Variants in CCKBR observed in about 807,000 individuals in gnomAD.
CCKBR encodes the protein gastrin/cholecystokinin type B receptor.
In CCKBR, 33 loss-of-function variants were observed where a neutral mutation model predicts 34.6. The observed-to-expected ratio is 0.95, with a 90% CI of 0.72 to 1.27. The LOEUF (loss-of-function observed/expected upper bound fraction) is 1.27, where lower values mean the gene tolerates loss of function less well. CCKBR is among the 50% of genes most tolerant of loss of function. CCKBR has a pLI of 0.00. For missense variants in CCKBR, 652 were observed against 617.4 expected (o/e 1.06, Z -0.59); for synonymous variants, 269 against 267.5 (o/e 1.01, Z -0.06).
chr11:6,270,398 C>G, intron 3 of CCKBR, 61 bp downstream of exon 3: 1 of 1,551,706 alleles, frequency 6.4e-7, no homozygotes, highest in South Asian at 1.2e-5. Context: ...ATGCTTACGA[C>G]CATTGCCCAG....
Position 6,269,747 on chromosome 11 carries a change from T to C in CCKBR, c.230T>C (p.Val77Ala), listed in dbSNP as rs35816985. ...GTTGGAGGAAATATGCTCATCATCGTGGTCCTGGGACTGAGCCGCCGCCTG... is the reference window on the plus strand; with the variant it reads ...GTTGGAGGAAATATGCTCATCATCGCGGTCCTGGGACTGAGCCGCCGCCTG... ...MSVGGNMLII[V>A]VLGLSRRLRT... Residue 77 changes from valine (V) to alanine (A), a missense_variant, in exon 2 of 5, where the codon GTG (valine) becomes GCG (alanine). Val to Ala is a moderately conservative substitution (Grantham distance 64). Coordinates refer to ENST00000334619, the MANE Select transcript of CCKBR (RefSeq NM_176875.4). 2 of 1,614,168 alleles carry C rather than the reference T, an allele frequency of 1.2e-6. No homozygotes were observed. Among genetic ancestry groups the C allele is most frequent in the Non-Finnish European group, 1.7e-6 (2 of 1,180,030 alleles).
At chr11:6,262,851 G>A (rs1197625041) in intron 1 of CCKBR, among the ~76,000 whole-genome samples, 1 of 152,222 alleles carries the variant, frequency 6.6e-6, no homozygotes, top group Non-Finnish European at 1.5e-5. Context: ...TTTTTAAAAT[G>A]TTTGTTGGTG....
intron 1 of CCKBR, among the ~76,000 whole-genome samples, chr11:6,269,123 T>C (rs1197372714): frequency 6.7e-6 from 1 of 149,676 alleles, no homozygotes; most frequent in African/African-American, 2.5e-5. Flanking sequence ...TTCTGAGGGG[T>C]TGCAGACAGT....
At chr11:6,263,619 T>C (rs1848168279) in intron 1 of CCKBR, among the ~76,000 whole-genome samples, 1 of 152,122 alleles carries the variant, frequency 6.6e-6, no homozygotes, top group Admixed American at 6.5e-5. Context: ...TACAGGCATG[T>C]GCCACCACAA....
chr11:6,270,807 G>C lies in CCKBR; in HGVS notation c.811+4G>C. On this transcript the variant is annotated splice_donor_region_variant and intron_variant, in intron 4 of 4. Transcript: ENST00000334619. ...CGAAACCAAGGCGGGCTGCCAGGTGGGGCTGGACCACGTGAGCAAAATCTG... is the reference window on the plus strand; with the variant it reads ...CGAAACCAAGGCGGGCTGCCAGGTGCGGCTGGACCACGTGAGCAAAATCTG... 8 of 1,614,072 alleles carry C rather than the reference G, an allele frequency of 5.0e-6. No homozygotes were observed. Among genetic ancestry groups the C allele is most frequent in the Non-Finnish European group, 6.8e-6 (8 of 1,179,992 alleles).
chr11:6,266,488 T>TCAAAAA (rs1341703771), intron 1 of CCKBR, among the ~76,000 whole-genome samples: 1 of 150,172 alleles, frequency 6.7e-6, no homozygotes, highest in Non-Finnish European at 1.5e-5. Flanking sequence ...AAACTCCATC[T>TCAAAAA]CAAAAACAAA....
At chr11:6,270,570 A>G (rs1036962398) in intron 3 of CCKBR, 76 bp from the exon 4 acceptor site, 1 of 1,496,192 alleles carries the variant, frequency 6.7e-7, no homozygotes, top group African/African-American at 1.4e-5. Flanking sequence ...CCCTAGAAAC[A>G]CTAGTCCTTG....
At chr11:6,264,932 A>G (rs1112715) in intron 1 of CCKBR, among the ~76,000 whole-genome samples, 24,878 of 152,150 alleles carry the variant, frequency 0.16, 2,119 homozygotes, top group Middle Eastern at 0.29. Flanking sequence ...TTATGAGCCA[A>G]TATCAATACA....
chr11:6,262,706 G>GAGAC (rs1223668060), intron 1 of CCKBR, among the ~76,000 whole-genome samples: 1 of 146,524 alleles, frequency 6.8e-6, no homozygotes, highest in African/African-American at 2.5e-5. Flanking sequence ...GAGAGAGAGA[G>GAGAC]AGAGAGAGAG....
In CCKBR at chr11:6,271,485, C is replaced by T; in HGVS notation, c.1286C>T (p.Ser429Phe). The T allele has an allele frequency of 6.2e-7, 1 of 1,611,954 alleles. No individual in the cohort carries two copies. ...CCCGATGAGGACCCTCCCACTCCCT[C>T]CATTGCTTCGCTGTCCAGGCTTAGC... ...ALPDEDPPTP[S>F]IASLSRLSYT... Residue 429 changes from serine (S) to phenylalanine (F), a missense_variant, in exon 5 of 5, where the codon TCC (serine) becomes TTC (phenylalanine). By Grantham distance (155) the Ser-to-Phe change is radical. Coordinates refer to ENST00000334619, the MANE Select transcript of CCKBR (RefSeq NM_176875.4).
intron 1 of CCKBR, among the ~76,000 whole-genome samples, chr11:6,265,422 A>C (rs946538910): frequency 1.3e-5 from 2 of 152,246 alleles, no homozygotes; most frequent in African/African-American, 4.8e-5. Context: ...ATGAATGAGA[A>C]ATTGCTTTTC....
chr11:6,261,462 T>TATATATACACACACACACACAC (rs764173521), intron 1 of CCKBR, among the ~76,000 whole-genome samples: 16 of 63,996 alleles, frequency 2.5e-4, no homozygotes, highest in African/African-American at 9.0e-4. Context: ...AAAATATATA[T>TATATATACACACACACACACAC]ACACACACAC....
intron 1 of CCKBR, among the ~76,000 whole-genome samples, chr11:6,266,565 C>A (rs1298496808): frequency 6.6e-6 from 1 of 152,104 alleles, no homozygotes; most frequent in Non-Finnish European, 1.5e-5. Flanking sequence ...ACTGCAGGAA[C>A]AAACAGTAGG....
At chr11:6,270,045 C>T (rs1257487020) in intron 2 of CCKBR, 43 bp from the exon 3 acceptor site, 1 of 1,586,734 alleles carries the variant, frequency 6.3e-7, no homozygotes, top group Non-Finnish European at 8.6e-7. Context: ...TTGTGTAGTG[C>T]AAGTTTCCTA....
In CCKBR at chr11:6,272,009, C is replaced by G. The variant is rs1366559673; in HGVS notation, c.*466C>G. The G allele has an allele frequency of 6.3e-6, 1 of 158,008 alleles. No individual in the cohort carries two copies. The highest frequency in any genetic ancestry group is 1.4e-5 in the Non-Finnish European group (1 of 71,940). 9.8% of individuals were successfully genotyped at this position (158,008 alleles called of 1,614,324 possible). Reference sequence around the variant, plus strand: ...GGCCTAATCTCATACCTCTGACCAACAGGCTGTTCTGCACTGAAAAGGTTC... The same window carrying G: ...GGCCTAATCTCATACCTCTGACCAAGAGGCTGTTCTGCACTGAAAAGGTTC... On this transcript the variant is annotated 3_prime_UTR_variant, in exon 5 of 5. Transcript: ENST00000334619.
intron 1 of CCKBR, among the ~76,000 whole-genome samples, chr11:6,263,852 C>T (rs1848171468): frequency 1.3e-5 from 2 of 152,202 alleles, no homozygotes; most frequent in Non-Finnish European, 2.9e-5. Flanking sequence ...TTGGATATTA[C>T]TTCTGCTCAG....
chr11:6,264,723 A>G (rs1848185628), intron 1 of CCKBR: 4 of 421,200 alleles, frequency 9.5e-6, no homozygotes, highest in Non-Finnish European at 1.6e-5. Context: ...ACACACATCA[A>G]TACACACACA....
chr11:6,269,860 A>G lies in CCKBR; in HGVS notation c.343A>G (p.Asn115Asp). ...TTGCATGCCCTTCACCCTCCTGCCC[A>G]ATCTCATGGGCACATTCATCTTTGG... ...VACMPFTLLP[N>D]LMGTFIFGTV... Residue 115 changes from asparagine (N) to aspartate (D), a missense_variant, in exon 2 of 5, where the codon AAT (asparagine) becomes GAT (aspartate). Coordinates refer to ENST00000334619, the MANE Select transcript of CCKBR (RefSeq NM_176875.4). 3 of 1,613,900 alleles carry G rather than the reference A, an allele frequency of 1.9e-6. No individual in the cohort carries two copies. The highest frequency in any genetic ancestry group is 2.5e-6 in the Non-Finnish European group (3 of 1,179,974).
In CCKBR at chr11:6,270,120, G is replaced by A. The variant is rs201465636; in HGVS notation, c.436G>A (p.Val146Met). The A allele has an allele frequency of 1.9e-5, 30 of 1,610,802 alleles. No homozygotes were observed. Among genetic ancestry groups the A allele is most frequent in the Admixed American group, 5.0e-5 (3 of 59,922 alleles). ...VSVSVSTLSL[V>M]AIALERYSAI... ...TGTGAGTGTGTCCACGCTAAGCCTC[G>A]TGGCCATCGCACTGGAGCGGTACAG... The change falls in exon 3 of 5, where the codon GTG (valine) becomes ATG (methionine). Residue 146 changes from valine (V) to methionine (M), a missense_variant. Transcript: ENST00000334619.
Sources: allele counts gnomAD v4.1 joint callset (sites outside exome capture counted in the v4.1 genomes callset), GRCh38; gene constraint gnomAD v4.1.1; transcripts MANE v1.5; gene names NCBI Gene and HGNC (gene_info 2026-07-23, HGNC 2026-07-21).